Variants in PRDM16 observed in about 807,000 individuals in gnomAD.
The protein encoded by PRDM16 is PR/SET domain 16, also known as histone-lysine N-methyltransferase PRDM16.
In PRDM16, 23 loss-of-function variants were observed where a neutral mutation model predicts 110.6. The observed-to-expected ratio is 0.21, with a 90% CI of 0.15 to 0.29. The LOEUF is 0.29. Among genes scored for constraint, PRDM16 ranks in the 10% least tolerant of loss-of-function variants. PRDM16 has a pLI of 1.00. For synonymous variants in PRDM16, 799 were observed against 781.8 expected, an observed-to-expected ratio of 1.02 and a Z score of -0.37; for missense variants, 1,615 against 1,794.3, an observed-to-expected ratio of 0.90 and a Z score of 1.81.
chr1:3,306,493 CCACGTGGACACAGA>C (rs2100403366), intron 3 of PRDM16: 2 of 152,320 alleles, frequency 1.3e-5, no homozygotes, highest in South Asian at 4.2e-4. Flanking sequence ...CTGGACACAG[CCACGTGGACACAGA>C]CAGACTTTTG....
intron 3 of PRDM16, among the ~76,000 whole-genome samples, chr1:3,260,063 C>T (rs894761015): frequency 6.6e-6 from 1 of 152,220 alleles, no homozygotes; most frequent in Admixed American, 6.5e-5. Flanking sequence ...TTGCATCTCC[C>T]CTGCGGTGTA....
intron 2 of PRDM16, among the ~76,000 whole-genome samples, chr1:3,200,253 G>T (rs72846890): frequency 2.0e-5 from 3 of 152,214 alleles, no homozygotes; most frequent in Non-Finnish European, 4.4e-5. Context: ...TGCCCTGGAT[G>T]GGGGCTGAAG....
At chr1:3,115,291 G>A (rs746163736) in intron 1 of PRDM16, among the ~76,000 whole-genome samples, 10 of 152,376 alleles carry the variant, frequency 6.6e-5, no homozygotes, top group Non-Finnish European at 1.2e-4. Context: ...ATCAGTGGGG[G>A]CAGAGGGGCT....
chr1:3,279,637 G>A lies in PRDM16; in HGVS notation c.438+35500G>A, dbSNP rs574650441. ...CCCTCTCCAGACTCCTGTGCCACAGGCTGAGGACGGGCAGCCGTCAGGGAG... is the reference window on the plus strand; with the variant it reads ...CCCTCTCCAGACTCCTGTGCCACAGACTGAGGACGGGCAGCCGTCAGGGAG... On this transcript the variant is annotated intron_variant, in intron 3 of 16. Coordinates refer to ENST00000270722, the MANE Select transcript of PRDM16 (RefSeq NM_022114.4). Among the ~76,000 whole-genome samples, 289 of 152,356 alleles carry A rather than the reference G, an allele frequency of 1.9e-3. 1 individual carries two copies. The highest frequency in any genetic ancestry group is 6.7e-3 in the African/African-American group (280 of 41,586).
intron 3 of PRDM16, among the ~76,000 whole-genome samples, chr1:3,287,893 C>G (rs2100348660): frequency 6.6e-6 from 1 of 152,378 alleles, no homozygotes; most frequent in South Asian, 2.1e-4. Flanking sequence ...GGAGCCGCCC[C>G]CTGCATGGAG....
intron 3 of PRDM16, among the ~76,000 whole-genome samples, chr1:3,331,264 G>T (rs1214650497): frequency 6.6e-6 from 1 of 152,046 alleles, no homozygotes; most frequent in Non-Finnish European, 1.5e-5. Flanking sequence ...AGCCTGGGGG[G>T]GGCGCATACT....
At chr1:3,253,881 A>C (rs531347593) in intron 3 of PRDM16, among the ~76,000 whole-genome samples, 1 of 152,020 alleles carries the variant, frequency 6.6e-6, no homozygotes, top group Non-Finnish European at 1.5e-5. Flanking sequence ...TTGTTTCCTG[A>C]CTTTTTAATG....
In PRDM16 at chr1:3,148,615, G is replaced by A. The variant is rs2100718847; in HGVS notation, c.38-37510G>A. Among the ~76,000 whole-genome samples, 1 of 152,304 alleles carries A rather than the reference G, an allele frequency of 6.6e-6. No homozygotes were observed. The highest frequency in any genetic ancestry group is 2.1e-4 in the South Asian group (1 of 4,830). Reference sequence around the variant, plus strand: ...GCTGGGACCTCCTTGACGCTCACGGGGCTCAGATCCCATCTCAGGTGGGCG... The same window carrying A: ...GCTGGGACCTCCTTGACGCTCACGGAGCTCAGATCCCATCTCAGGTGGGCG... On this transcript the variant is annotated intron_variant, in intron 1 of 16. Coordinates refer to ENST00000270722, the MANE Select transcript of PRDM16 (RefSeq NM_022114.4). The surrounding 1 kb of genome is among the most constrained non-coding windows in gnomAD (Gnocchi z 5.0).
At chr1:3,321,002 T>C (rs1195837451) in intron 3 of PRDM16, among the ~76,000 whole-genome samples, 1 of 152,220 alleles carries the variant, frequency 6.6e-6, no homozygotes, top group South Asian at 2.1e-4. Context: ...CCCTTCCTCA[T>C]GGAGCCTGAC....
At chr1:3,200,159 C>T (rs1258279957) in intron 2 of PRDM16, among the ~76,000 whole-genome samples, 1 of 152,206 alleles carries the variant, frequency 6.6e-6, no homozygotes, top group Non-Finnish European at 1.5e-5. Context: ...CTGCCCAGGG[C>T]CTGAGGGGCA....
chr1:3,085,590 G>A (rs775540123), intron 1 of PRDM16, among the ~76,000 whole-genome samples: 5 of 152,260 alleles, frequency 3.3e-5, no homozygotes, highest in Non-Finnish European at 2.9e-5. Flanking sequence ...TGAGCCCAGT[G>A]TGCCCATCTG....
intron 2 of PRDM16, among the ~76,000 whole-genome samples, chr1:3,195,459 C>T (rs1183034222): frequency 6.6e-6 from 1 of 152,148 alleles, no homozygotes; most frequent in Non-Finnish European, 1.5e-5. Flanking sequence ...GCAGAGGGGA[C>T]TTTCTTTAAA....
intron 1 of PRDM16, among the ~76,000 whole-genome samples, chr1:3,089,132 C>A (rs917665917): frequency 6.6e-6 from 1 of 152,226 alleles, no homozygotes; most frequent in Non-Finnish European, 1.5e-5. Flanking sequence ...CTTGTCGCCC[C>A]ACCTGTCCTC....
At chr1:3,233,647 T>C (rs997195418) in intron 2 of PRDM16, among the ~76,000 whole-genome samples, 8 of 152,208 alleles carry the variant, frequency 5.3e-5, no homozygotes, top group African/African-American at 1.7e-4. Context: ...GCAGCCTCCC[T>C]GTTGCCTACA....
At chr1:3,270,008 AGAG>A (rs1277758404) in intron 3 of PRDM16, among the ~76,000 whole-genome samples, 1 of 148,162 alleles carries the variant, frequency 6.7e-6, no homozygotes, top group Non-Finnish European at 1.5e-5. Context: ...GCATAGTCCC[AGAG>A]GAGGACAGTC....
intron 3 of PRDM16, among the ~76,000 whole-genome samples, chr1:3,352,947 A>C (rs1395265906): frequency 6.6e-6 from 1 of 152,176 alleles, no homozygotes; most frequent in African/African-American, 2.4e-5. Flanking sequence ...CAGGGCCCTG[A>C]GTGCCCACCC....
At chr1:3,277,450 A>G (rs1640611432) in intron 3 of PRDM16, among the ~76,000 whole-genome samples, 1 of 152,220 alleles carries the variant, frequency 6.6e-6, no homozygotes, top group Non-Finnish European at 1.5e-5. Flanking sequence ...GCACTTGCTC[A>G]GGCCTCTCCT....
intron 3 of PRDM16, among the ~76,000 whole-genome samples, chr1:3,325,513 C>T (rs1030809980): frequency 1.3e-5 from 2 of 152,222 alleles, no homozygotes; most frequent in African/African-American, 4.8e-5. Flanking sequence ...GATGGGTGTC[C>T]CAGCAGGGGT....
chr1:3,268,196 G>A (rs139022999), intron 3 of PRDM16, among the ~76,000 whole-genome samples: 3 of 152,326 alleles, frequency 2.0e-5, no homozygotes, highest in Non-Finnish European at 2.9e-5. Flanking sequence ...GGTTGCAGTC[G>A]CCCCCGGCTC....
Sources: allele counts gnomAD v4.1 joint callset (sites outside exome capture counted in the v4.1 genomes callset), GRCh38; gene constraint gnomAD v4.1.1; non-coding constraint Gnocchi (gnomAD v3.1); transcripts MANE v1.5; gene names NCBI Gene and HGNC (gene_info 2026-07-23, HGNC 2026-07-21).